RAB33A: variants seen among roughly 807,000 people sequenced by gnomAD.
The protein encoded by RAB33A is ras-related protein Rab-33A.
A neutral mutation model predicts 12.0 loss-of-function variants in RAB33A; 6 were observed. That is an observed-to-expected ratio of 0.50 (90% CI 0.27 to 0.99). The LOEUF is 0.99. Among genes scored for constraint, RAB33A ranks in the 50% least tolerant of loss-of-function variants. The pLI is 0.11. For missense variants in RAB33A, 109 were observed against 192.0 expected, an observed-to-expected ratio of 0.57 and a Z score of 2.55; for synonymous variants, 70 against 82.4, an observed-to-expected ratio of 0.85 and a Z score of 0.81.
chrX:130,124,992 G>A, the RAB33A span, among the ~76,000 whole-genome samples: 1 of 112,250 alleles, frequency 8.9e-6, no homozygotes, highest in Non-Finnish European at 1.9e-5. Context: ...TCATTTTCAA[G>A]GTTCAGGCAA....
the RAB33A span, among the ~76,000 whole-genome samples, chrX:130,164,993 G>A: frequency 9.2e-6 from 1 of 109,118 alleles, no homozygotes; most frequent in Non-Finnish European, 1.9e-5. Context: ...GAAGTACACG[G>A]CTCAGGCATC....
chrX:130,119,747 G>A, the RAB33A span, among the ~76,000 whole-genome samples: 3 of 111,648 alleles, frequency 2.7e-5, no homozygotes, highest in African/African-American at 6.5e-5. Context: ...GATTCCCCCC[G>A]CCCCTTCCCT....
At chrX:130,155,188 C>T in the RAB33A span, 1 of 1,211,544 alleles carries the variant, frequency 8.3e-7, no homozygotes, top group Non-Finnish European at 1.1e-6. Flanking sequence ...ACTGTTGCTC[C>T]TACAATTAAG....
At chrX:130,151,677 T>G in the RAB33A span, among the ~76,000 whole-genome samples, 2 of 111,362 alleles carry the variant, frequency 1.8e-5, no homozygotes. Flanking sequence ...TCAGGAAGAG[T>G]TTTTATCTTG....
upstream of RAB33A, among the ~76,000 whole-genome samples, chrX:130,169,736 A>G (rs2031584945): frequency 8.9e-6 from 1 of 112,381 alleles, no homozygotes; most frequent in Non-Finnish European, 1.9e-5. Context: ...AGTTTTTGCT[A>G]GAAGCTTACA....
the RAB33A span, among the ~76,000 whole-genome samples, chrX:130,127,650 G>A: frequency 1.9e-5 from 2 of 102,952 alleles, no homozygotes; most frequent in Middle Eastern, 0.01. Flanking sequence ...AATTACTGCT[G>A]TATAATAATT....
At chrX:130,110,719 G>A in the RAB33A span, 1 of 105,826 alleles carries the variant, frequency 9.4e-6, no homozygotes, top group South Asian at 4.2e-4. Flanking sequence ...CAAATACCAG[G>A]TGAGACGGCG....
At position 130,172,156 on chromosome X, in the gene RAB33A, G is replaced by T; in HGVS notation, c.94G>T (p.Val32Leu). 1 of 1,212,203 alleles carries T rather than the reference G, an allele frequency of 8.2e-7. No homozygotes were observed. The highest frequency in any genetic ancestry group is 1.1e-6 in the Non-Finnish European group (1 of 895,552). The change falls in exon 1 of 2, where the codon GTG becomes TTG. Residue 32 changes from valine to leucine, a missense_variant. Val to Leu is a conservative substitution (Grantham distance 32). Transcript: ENST00000257017. The part of the protein sequence containing the change: ...LELDSSLDQY[V>L]QIRIFKIIVI... ...GCTCGACTCGTCGCTGGACCAGTAC[G>T]TGCAGATTCGCATCTTCAAAATAAT...
At chrX:130,140,796 C>A in the RAB33A span, among the ~76,000 whole-genome samples, 1 of 112,435 alleles carries the variant, frequency 8.9e-6, no homozygotes, top group East Asian at 2.8e-4. Context: ...TTTCCATCAC[C>A]ACCCCAAAAC....
chrX:130,111,116 G>A, the RAB33A span, among the ~76,000 whole-genome samples: 1 of 108,499 alleles, frequency 9.2e-6, no homozygotes, highest in African/African-American at 3.3e-5. Flanking sequence ...CGTGCCAGGG[G>A]CCCGCGCGGC....
chrX:130,182,997 C>T (rs28581281), intron 1 of RAB33A, among the ~76,000 whole-genome samples: 7 of 108,584 alleles, frequency 6.4e-5, no homozygotes, highest in African/African-American at 2.3e-4. Flanking sequence ...CACCGCCTCC[C>T]GGGTTCAAGC....
the RAB33A span, among the ~76,000 whole-genome samples, chrX:130,138,926 CAGG>C: frequency 1.8e-5 from 2 of 111,455 alleles, no homozygotes; most frequent in Non-Finnish European, 3.8e-5. Context: ...CTATCTTCCC[CAGG>C]AGGACATCTG....
At chrX:130,127,260 C>G in the RAB33A span, among the ~76,000 whole-genome samples, 2 of 111,496 alleles carry the variant, frequency 1.8e-5, no homozygotes, top group Non-Finnish European at 3.8e-5. Context: ...TGTGGCTGAT[C>G]TCTCCATTCT....
At chrX:130,138,022 A>G in the RAB33A span, 33 of 113,071 alleles carry the variant, frequency 2.9e-4, no homozygotes, top group Non-Finnish European at 7.0e-5. Flanking sequence ...AGATCACACC[A>G]TTGCACTCCA....
chrX:130,158,269 A>G, the RAB33A span, among the ~76,000 whole-genome samples: 1 of 111,117 alleles, frequency 9.0e-6, no homozygotes, highest in Admixed American at 9.6e-5. Context: ...CATTTCAAAG[A>G]AAAAAAAAGA....
the RAB33A span, among the ~76,000 whole-genome samples, chrX:130,139,021 C>G: frequency 9.0e-6 from 1 of 111,284 alleles, no homozygotes; most frequent in Non-Finnish European, 1.9e-5. Flanking sequence ...ATGCTGCTAA[C>G]ATACTACAAT....
the RAB33A span, among the ~76,000 whole-genome samples, chrX:130,144,657 C>G: frequency 8.9e-6 from 1 of 111,753 alleles, no homozygotes; most frequent in Non-Finnish European, 1.9e-5. Context: ...CTCTACTGGG[C>G]ACCCTTCCCA....
At chrX:130,112,845 GAC>G in the RAB33A span, among the ~76,000 whole-genome samples, 1 of 110,475 alleles carries the variant, frequency 9.1e-6, no homozygotes, top group African/African-American at 3.3e-5. Context: ...CAGCCTGGAT[GAC>G]ACAGTGAGAC....
the RAB33A span, among the ~76,000 whole-genome samples, chrX:130,144,790 C>T: frequency 1.8e-5 from 2 of 112,494 alleles, no homozygotes; most frequent in Non-Finnish European, 3.8e-5. Flanking sequence ...GTTGTTTACA[C>T]ATAGGGGACA....
Sources: allele counts gnomAD v4.1 joint callset (sites outside exome capture counted in the v4.1 genomes callset), GRCh38; gene constraint gnomAD v4.1.1; transcripts MANE v1.5; gene names NCBI Gene and HGNC (gene_info 2026-07-23, HGNC 2026-07-21).